The following PRKCA variants were observed in gnomAD, a reference collection of about 807,000 sequenced individuals.
PRKCA encodes the protein protein kinase C alpha type.
PRKCA carries 27 observed loss-of-function variants against 87.0 expected under a neutral mutation model. The ratio of observed to expected loss-of-function variants is 0.31; its 90% CI spans 0.23 to 0.43. The LOEUF (loss-of-function observed/expected upper bound fraction) is 0.43. Among genes scored for constraint, PRKCA ranks in the 20% least tolerant of loss-of-function variants. PRKCA has a pLI of 1.00. For synonymous variants in PRKCA, 329 were observed against 311.1 expected, an observed-to-expected ratio of 1.06 and a Z score of -0.61; for missense variants, 518 against 852.3, an observed-to-expected ratio of 0.61 and a Z score of 4.88.
At chr17:66,361,371 G>C (rs1300475384) in intron 2 of PRKCA, among the ~76,000 whole-genome samples, 1 of 151,614 alleles carries the variant, frequency 6.6e-6, no homozygotes, top group Non-Finnish European at 1.5e-5. Flanking sequence ...GAGTGCAGTG[G>C]TGTGACCCTG....
chr17:66,719,008 A>T, intron 8 of PRKCA, among the ~76,000 whole-genome samples: 1 of 152,102 alleles, frequency 6.6e-6, no homozygotes, highest in South Asian at 2.1e-4. Flanking sequence ...TGAGATTAAA[A>T]TGTCTGTCCT....
At chr17:66,517,604 T>C (rs962259465) in intron 3 of PRKCA, among the ~76,000 whole-genome samples, 1 of 152,222 alleles carries the variant, frequency 6.6e-6, no homozygotes, top group Non-Finnish European at 1.5e-5. Context: ...CAGATTCTGC[T>C]TGAGTTAACC....
At chr17:66,674,746 A>G (rs1284865158) in intron 5 of PRKCA, among the ~76,000 whole-genome samples, 4 of 152,228 alleles carry the variant, frequency 2.6e-5, no homozygotes, top group Non-Finnish European at 5.9e-5. Context: ...TAACTTGTTA[A>G]TGGGAGAAGA....
intron 2 of PRKCA, among the ~76,000 whole-genome samples, chr17:66,319,054 G>A (rs1321959778): frequency 6.6e-6 from 1 of 151,996 alleles, no homozygotes; most frequent in Non-Finnish European, 1.5e-5. Context: ...GCTTGAGCCC[G>A]GTGGTTGAGG....
At chr17:66,550,065 G>T (rs1968278052) in intron 3 of PRKCA, among the ~76,000 whole-genome samples, 1 of 152,026 alleles carries the variant, frequency 6.6e-6, no homozygotes, top group African/African-American at 2.4e-5. Flanking sequence ...AGAATCCCTG[G>T]CCTGTTGTAT....
At chr17:66,487,172 G>A (rs1916020973) in intron 2 of PRKCA, among the ~76,000 whole-genome samples, 1 of 152,060 alleles carries the variant, frequency 6.6e-6, no homozygotes, top group African/African-American at 2.4e-5. Context: ...TTAACTAACT[G>A]GTCTTCATCC....
chr17:66,641,582 G>A, intron 4 of PRKCA, 116 bp downstream of exon 4: 1 of 585,702 alleles, frequency 1.7e-6, no homozygotes, highest in Non-Finnish European at 3.0e-6. Flanking sequence ...GAGGGAATTA[G>A]TTCAGATATC....
intron 5 of PRKCA, among the ~76,000 whole-genome samples, chr17:66,662,356 T>C (rs745322353): frequency 4.9e-4 from 74 of 152,228 alleles, no homozygotes; most frequent in Non-Finnish European, 8.5e-4. Context: ...GCTGTCTTCC[T>C]GTTTAATTTC....
chr17:66,655,543 C>G (rs1434648528), intron 5 of PRKCA, among the ~76,000 whole-genome samples: 6 of 152,250 alleles, frequency 3.9e-5, no homozygotes, highest in Non-Finnish European at 8.8e-5. Flanking sequence ...ACCACTTTCT[C>G]TCCATGCCCT....
intron 3 of PRKCA, among the ~76,000 whole-genome samples, chr17:66,552,816 C>T (rs924926793): frequency 2.0e-5 from 3 of 152,154 alleles, no homozygotes; most frequent in Admixed American, 6.5e-5. Context: ...GAGGCAGGGA[C>T]GCACTGAGAG....
intron 3 of PRKCA, among the ~76,000 whole-genome samples, chr17:66,620,167 G>A (rs1014931934): frequency 1.7e-4 from 26 of 152,256 alleles, no homozygotes; most frequent in African/African-American, 5.8e-4. Flanking sequence ...TATCCATGCC[G>A]CTTCTTTCTA....
intron 2 of PRKCA, among the ~76,000 whole-genome samples, chr17:66,442,835 A>G (rs1913843456): frequency 6.6e-6 from 1 of 152,118 alleles, no homozygotes; most frequent in African/African-American, 2.4e-5. Context: ...ACATGGACAC[A>G]CTTTTCTCTC....
intron 2 of PRKCA, among the ~76,000 whole-genome samples, chr17:66,388,448 C>G (rs139039663): frequency 0.012 from 1,884 of 152,196 alleles, 42 homozygotes; most frequent in African/African-American, 0.043. Flanking sequence ...GTGTGCACCA[C>G]CACATCTGGC....
chr17:66,440,937 T>C (rs982036807), intron 2 of PRKCA, among the ~76,000 whole-genome samples: 2 of 150,114 alleles, frequency 1.3e-5, no homozygotes, highest in Admixed American at 1.3e-4. Flanking sequence ...CTGAGGCGGG[T>C]GGATTGCCTG....
intron 2 of PRKCA, among the ~76,000 whole-genome samples, chr17:66,486,635 C>T (rs1210799904): frequency 2.0e-5 from 3 of 152,096 alleles, no homozygotes; most frequent in Non-Finnish European, 2.9e-5. Context: ...CAGGACTCGC[C>T]TTGCAGTTCT....
At chr17:66,459,127 CT>C (rs969184870) in intron 2 of PRKCA, among the ~76,000 whole-genome samples, 16 of 151,462 alleles carry the variant, frequency 1.1e-4, no homozygotes, top group African/African-American at 3.9e-4. Context: ...AATCCTAACA[CT>C]TTGGGAGATT....
Position 66,513,597 on chromosome 17 carries a change from G to A in PRKCA, c.288+17314G>A, listed in dbSNP as rs190518935. ...ACCTTGAATATTATGGCTGCATATCGACTTGGGATCAGTGTCCTCTCTTAG... is the reference window on the plus strand; with the variant it reads ...ACCTTGAATATTATGGCTGCATATCAACTTGGGATCAGTGTCCTCTCTTAG... On this transcript the variant is annotated intron_variant, in intron 3 of 16. Coordinates refer to ENST00000413366, the MANE Select transcript of PRKCA (RefSeq NM_002737.3). 6.4e-3 allele frequency among the ~76,000 whole-genome samples: 974 copies of A among 152,222 alleles called. 31 individuals carry two copies. The highest frequency in any genetic ancestry group is 0.055 in the Admixed American group (844 of 15,292).
intron 3 of PRKCA, among the ~76,000 whole-genome samples, chr17:66,519,362 T>A (rs1967079531): frequency 6.6e-6 from 1 of 152,168 alleles, no homozygotes; most frequent in South Asian, 2.1e-4. Flanking sequence ...TATTAGCAAG[T>A]TTATAGCTTG....
chr17:66,462,287 G>T lies in PRKCA; in HGVS notation c.206-33914G>T, dbSNP rs956052354. ...GCTCCTATTTTGTAGTACACAAAGG[G>T]GAAATGTGAGGCTGGAAAGCAACAT... On this transcript the variant is annotated intron_variant, in intron 2 of 16. Coordinates refer to ENST00000413366, the MANE Select transcript of PRKCA (RefSeq NM_002737.3). Among the ~76,000 whole-genome samples, 7 of 152,112 alleles carry T rather than the reference G, an allele frequency of 4.6e-5. No individual in the cohort carries two copies. In the East Asian group the frequency reaches 7.7e-4, roughly 17 times the overall value.
Sources: allele counts gnomAD v4.1 joint callset (sites outside exome capture counted in the v4.1 genomes callset), GRCh38; gene constraint gnomAD v4.1.1; transcripts MANE v1.5; gene names NCBI Gene and HGNC (gene_info 2026-07-23, HGNC 2026-07-21).